TMEM184B: variants seen among roughly 807,000 people sequenced by gnomAD.
TMEM184B encodes the protein putative MAPK-activating protein FM08.
Under a neutral mutation model 41.8 loss-of-function variants are expected in TMEM184B, and 17 were observed. The ratio of observed to expected loss-of-function variants is 0.41; its 90% CI spans 0.28 to 0.61. The LOEUF is 0.61. Among genes scored for constraint, TMEM184B ranks in the 20% least tolerant of loss-of-function variants. TMEM184B has a pLI of 0.34. For synonymous variants in TMEM184B, 240 were observed against 229.5 expected, an observed-to-expected ratio of 1.05 and a Z score of -0.41; for missense variants, 393 against 557.8, an observed-to-expected ratio of 0.70 and a Z score of 2.98.
At chr22:38,221,844 A>G in intron 8 of TMEM184B, 134 bp from the exon 9 acceptor site, 2 of 1,292,488 alleles carry the variant, frequency 1.5e-6, no homozygotes, top group Non-Finnish European at 1.0e-6. Context: ...CCCTTCTGGG[A>G]CAGAGAATGG....
rs908223433 is a variant in TMEM184B, at chr22:38,225,672, C to A, written c.618-79G>T. On this transcript the variant is annotated intron_variant, in intron 6 of 8. Coordinates refer to ENST00000361906, the MANE Select transcript of TMEM184B (RefSeq NM_012264.5). This position sits in a 1 kb window ranked among gnomAD's most constrained non-coding sequence, Gnocchi z 4.4. ...TCTCCTCGACTGCACCACACACAGT[C>A]CCCATGGCTCTCAGCCCCACACCTC... The A allele has an allele frequency of 9.7e-6, 14 of 1,435,958 alleles. No individual in the cohort carries two copies. The highest frequency in any genetic ancestry group is 3.0e-5 in the African/African-American group (2 of 67,204). The allele number at this position is 1,435,958 out of a possible 1,614,324, so 89.0% of individuals were successfully genotyped here.
intron 1 of TMEM184B, among the ~76,000 whole-genome samples, chr22:38,263,389 C>T (rs530079526): frequency 6.6e-6 from 1 of 152,300 alleles, no homozygotes; most frequent in South Asian, 2.1e-4. Context: ...GATTCTCTTC[C>T]CTTTTACACT....
intron 1 of TMEM184B, among the ~76,000 whole-genome samples, chr22:38,270,617 C>G (rs529888966): frequency 5.5e-4 from 83 of 152,264 alleles, no homozygotes; most frequent in African/African-American, 1.9e-3. Flanking sequence ...TGCTTACTAC[C>G]CGGGGCTGCA....
chr22:38,230,316 A>G (rs190470338), intron 5 of TMEM184B, among the ~76,000 whole-genome samples: 41 of 152,360 alleles, frequency 2.7e-4, no homozygotes, highest in Non-Finnish European at 2.5e-4. Context: ...TTAATGCCAA[A>G]ACCCTCCTGC....
intron 1 of TMEM184B, among the ~76,000 whole-genome samples, chr22:38,267,205 T>C (rs909703004): frequency 1.3e-5 from 2 of 152,146 alleles, no homozygotes; most frequent in Non-Finnish European, 2.9e-5. Flanking sequence ...GGGATGTGAC[T>C]TTGTAAAACA....
At chr22:38,224,650 A>T in intron 8 of TMEM184B, 135 bp downstream of exon 8, 1 of 876,460 alleles carries the variant, frequency 1.1e-6, no homozygotes, top group Non-Finnish European at 1.6e-6. Flanking sequence ...CTGTGGCCCC[A>T]TTCCTGCATA....
intron 1 of TMEM184B, among the ~76,000 whole-genome samples, chr22:38,266,602 A>G (rs1418123716): frequency 6.6e-6 from 1 of 152,232 alleles, no homozygotes; most frequent in Non-Finnish European, 1.5e-5. Context: ...ATTCTTTTCT[A>G]TCTATAGCTA....
At chr22:38,263,514 T>C (rs868341327) in intron 1 of TMEM184B, among the ~76,000 whole-genome samples, 1 of 152,208 alleles carries the variant, frequency 6.6e-6, no homozygotes, top group Non-Finnish European at 1.5e-5. Flanking sequence ...GGCCACGCGG[T>C]ATCCCATGTT....
intron 1 of TMEM184B, among the ~76,000 whole-genome samples, chr22:38,253,928 C>G (rs73409206): frequency 0.039 from 5,879 of 152,218 alleles, 360 homozygotes; most frequent in African/African-American, 0.13. Context: ...GGGCCAGGCG[C>G]GGTGGTTCAC....
intron 1 of TMEM184B, 36 bp from the exon 2 acceptor site, chr22:38,248,055 A>G: frequency 6.8e-7 from 1 of 1,469,658 alleles, no homozygotes; most frequent in Non-Finnish European, 9.0e-7. Context: ...GTCTCCTCCC[A>G]GGGCAAGTGG....
chr22:38,244,711 C>G (rs2091985918), intron 3 of TMEM184B, among the ~76,000 whole-genome samples: 1 of 152,240 alleles, frequency 6.6e-6, no homozygotes, highest in Non-Finnish European at 1.5e-5. Context: ...CCGCCTCGGC[C>G]TCCCAAAGTA....
downstream of TMEM184B, among the ~76,000 whole-genome samples, chr22:38,217,179 C>A (rs1411445619): frequency 7.6e-6 from 1 of 131,354 alleles, no homozygotes; most frequent in Non-Finnish European, 1.6e-5. Context: ...ATACAAAAAA[C>A]AACAACAACA....
At chr22:38,257,759 A>G (rs1444289631) in intron 1 of TMEM184B, among the ~76,000 whole-genome samples, 1 of 152,240 alleles carries the variant, frequency 6.6e-6, no homozygotes, top group African/African-American at 2.4e-5. Context: ...TTATAATTAC[A>G]CCAATATCCA....
chr22:38,217,514 C>T (rs1357067195), downstream of TMEM184B, among the ~76,000 whole-genome samples: 1 of 151,746 alleles, frequency 6.6e-6, no homozygotes, highest in Non-Finnish European at 1.5e-5. Context: ...TGGTGGCGGG[C>T]GCCTGTAGTC....
intron 1 of TMEM184B, among the ~76,000 whole-genome samples, chr22:38,252,298 C>T (rs2092182932): frequency 1.3e-5 from 2 of 152,114 alleles, no homozygotes; most frequent in East Asian, 1.9e-4. Context: ...TGGGCTCAAG[C>T]GATCCTCCCA....
At position 38,242,913 on chromosome 22, in the gene TMEM184B, T is replaced by C. The variant is rs866579612; in HGVS notation, c.358+3022A>G. ...CCCGTCTCTACTAAAAATACAAAAA[T>C]TAGCTGGGCGTGGTAGCACACGCCT... On this transcript the variant is annotated intron_variant, in intron 3 of 8. Transcript: ENST00000361906. 5.3e-5 allele frequency among the ~76,000 whole-genome samples: 8 copies of C among 151,874 alleles called. No individual in the cohort carries two copies. In the South Asian group the frequency reaches 8.3e-4, roughly 16 times the overall value.
chr22:38,271,531 C>T (rs1158143228), intron 1 of TMEM184B, among the ~76,000 whole-genome samples: 1 of 152,212 alleles, frequency 6.6e-6, no homozygotes, highest in Non-Finnish European at 1.5e-5. Flanking sequence ...ATCCTTCAGG[C>T]TTCAGCTCAA....
chr22:38,248,969 T>C (rs959473065), intron 1 of TMEM184B, among the ~76,000 whole-genome samples: 1 of 152,148 alleles, frequency 6.6e-6, no homozygotes, highest in African/African-American at 2.4e-5. Context: ...TAAACTCTCA[T>C]CTTTTAACCC....
intron 1 of TMEM184B, among the ~76,000 whole-genome samples, chr22:38,260,870 A>G (rs2092359736): frequency 6.6e-6 from 1 of 152,206 alleles, no homozygotes; most frequent in Non-Finnish European, 1.5e-5. Context: ...CAAACCCTTT[A>G]GAGCTGCAGC....
Sources: gnomAD v4.1 joint callset for allele counts (sites outside exome capture counted in the v4.1 genomes callset) on GRCh38, gnomAD v4.1.1 for gene constraint, Gnocchi (gnomAD v3.1) non-coding constraint, MANE v1.5 for transcripts, NCBI Gene and HGNC (gene_info 2026-07-23, HGNC 2026-07-21) for gene names.